Variants in TMEM132C observed in about 807,000 individuals in gnomAD.
TMEM132C encodes the protein transmembrane protein 132C, also known as protein phosphatase 1, regulatory subunit 152.
TMEM132C carries 29 observed loss-of-function variants against 61.4 expected under a neutral mutation model. The ratio of observed to expected loss-of-function variants is 0.47; its 90% CI spans 0.35 to 0.64. The LOEUF (loss-of-function observed/expected upper bound fraction) is 0.64. Among genes scored for constraint, TMEM132C ranks in the 30% least tolerant of loss-of-function variants. The pLI is 0.00. For synonymous variants in TMEM132C, 656 were observed against 633.1 expected (o/e 1.04, Z -0.54); for missense variants, 1,408 against 1,476.9 (o/e 0.95, Z 0.76).
chr12:128,611,321 T>C (rs1345416573), intron 3 of TMEM132C, among the ~76,000 whole-genome samples: 1 of 152,218 alleles, frequency 6.6e-6, no homozygotes, highest in Non-Finnish European at 1.5e-5. Context: ...CTCTCACTTT[T>C]TTCCTTCCTT....
intron 2 of TMEM132C, among the ~76,000 whole-genome samples, chr12:128,462,626 C>T (rs1593062245): frequency 6.6e-6 from 1 of 152,208 alleles, no homozygotes; most frequent in Non-Finnish European, 1.5e-5. Flanking sequence ...AAGCCACACT[C>T]TAACTCTTTG....
intron 8 of TMEM132C, among the ~76,000 whole-genome samples, chr12:128,701,803 T>C (rs902872202): frequency 6.6e-6 from 1 of 152,156 alleles, no homozygotes; most frequent in Non-Finnish European, 1.5e-5. Context: ...GAACCACCCA[T>C]TGAGTCACTG....
Position 128,706,739 on chromosome 12 carries a change from A to C in TMEM132C, c.*444A>C, listed in dbSNP as rs1954843739. 1 of 154,144 alleles carries C rather than the reference A, an allele frequency of 6.5e-6. No homozygotes were observed. The highest frequency in any genetic ancestry group is 2.4e-5 in the African/African-American group (1 of 41,486). The allele number at this position is 154,144 out of a possible 1,614,324, so 9.5% of individuals were successfully genotyped here. On this transcript the variant is annotated 3_prime_UTR_variant, in exon 9 of 9. Coordinates refer to ENST00000435159, the MANE Select transcript of TMEM132C (RefSeq NM_001136103.3). ...CATTTTCCATTCTAATTCACGATTC[A>C]CTTTTCCAAGGACAGCCTTCAACTG...
intron 4 of TMEM132C, among the ~76,000 whole-genome samples, chr12:128,657,862 G>A (rs1408860539): frequency 6.6e-6 from 1 of 152,244 alleles, no homozygotes; most frequent in African/African-American, 2.4e-5. Context: ...GAAGTTGGAT[G>A]GGGTTGGGGT....
At chr12:128,551,507 C>T (rs1365399241) in intron 3 of TMEM132C, among the ~76,000 whole-genome samples, 1 of 152,146 alleles carries the variant, frequency 6.6e-6, no homozygotes, top group African/African-American at 2.4e-5. Flanking sequence ...GCAAAGTCAG[C>T]CAACAATTTA....
At chr12:128,300,817 G>T (rs1047896324) in intron 1 of TMEM132C, among the ~76,000 whole-genome samples, 1 of 152,164 alleles carries the variant, frequency 6.6e-6, no homozygotes, top group African/African-American at 2.4e-5. Flanking sequence ...CGGGAGGATT[G>T]TTTGAGGCTA....
intron 4 of TMEM132C, among the ~76,000 whole-genome samples, chr12:128,652,275 G>A (rs556433537): frequency 9.2e-5 from 14 of 152,098 alleles, no homozygotes; most frequent in Non-Finnish European, 1.5e-4. Flanking sequence ...GGGCGGGGTC[G>A]GTGCCAGGAG....
intron 1 of TMEM132C, among the ~76,000 whole-genome samples, chr12:128,300,500 G>C (rs1005618137): frequency 6.6e-6 from 1 of 152,154 alleles, no homozygotes; most frequent in Non-Finnish European, 1.5e-5. Context: ...CAGCATAGTT[G>C]TGGTGGGCAC....
chr12:128,313,845 A>G (rs1356285586), intron 1 of TMEM132C, among the ~76,000 whole-genome samples: 1 of 152,228 alleles, frequency 6.6e-6, no homozygotes, highest in African/African-American at 2.4e-5. Flanking sequence ...AGTCCGTTAT[A>G]ACTAGGAGGA....
chr12:128,581,969 C>T (rs2135559976), intron 3 of TMEM132C, among the ~76,000 whole-genome samples: 1 of 152,294 alleles, frequency 6.6e-6, no homozygotes, highest in Non-Finnish European at 1.5e-5. Context: ...TACATTTCCT[C>T]AGCAAATGCC....
intron 1 of TMEM132C, among the ~76,000 whole-genome samples, chr12:128,365,099 A>T (rs146337647): frequency 8.4e-4 from 128 of 152,312 alleles, no homozygotes; most frequent in African/African-American, 3.0e-3. Flanking sequence ...AACAAGCTCC[A>T]GGAGGGTTTG....
At chr12:128,441,019 C>T (rs568316369) in intron 2 of TMEM132C, among the ~76,000 whole-genome samples, 5 of 152,078 alleles carry the variant, frequency 3.3e-5, no homozygotes, top group African/African-American at 9.7e-5. Context: ...CCAGCATGGG[C>T]GACAAGAGCG....
intron 4 of TMEM132C, among the ~76,000 whole-genome samples, chr12:128,638,107 G>T (rs528249046): frequency 4.6e-5 from 7 of 152,228 alleles, no homozygotes; most frequent in Non-Finnish European, 1.0e-4. Flanking sequence ...TTGGGGTAAA[G>T]AACTGGACTG....
At chr12:128,473,526 T>G (rs1260461074) in intron 2 of TMEM132C, among the ~76,000 whole-genome samples, 1 of 129,112 alleles carries the variant, frequency 7.7e-6, no homozygotes, top group Non-Finnish European at 1.6e-5. Context: ...TCATCTTCAC[T>G]CCACCATCCA....
intron 5 of TMEM132C, among the ~76,000 whole-genome samples, chr12:128,684,455 G>A (rs771421312): frequency 5.9e-5 from 9 of 152,138 alleles, no homozygotes; most frequent in Non-Finnish European, 1.0e-4. Flanking sequence ...AGTCTGACCC[G>A]CAATCCTGCC....
intron 2 of TMEM132C, among the ~76,000 whole-genome samples, chr12:128,492,693 G>T (rs1252537822): frequency 6.6e-6 from 1 of 152,138 alleles, no homozygotes; most frequent in African/African-American, 2.4e-5. Context: ...CTTTGTGATG[G>T]GGTTGTTTGT....
At chr12:128,529,357 T>G (rs1170262397) in intron 2 of TMEM132C, among the ~76,000 whole-genome samples, 1 of 152,020 alleles carries the variant, frequency 6.6e-6, no homozygotes, top group African/African-American at 2.4e-5. Flanking sequence ...AAGAAAAAAT[T>G]AAATGACAGT....
In TMEM132C at chr12:128,414,998, T is replaced by C; in HGVS notation, c.352T>C (p.Phe118Leu). The change falls in exon 2 of 9, where the codon TTT becomes CTT. Residue 118 changes from phenylalanine (F) to leucine (L), a missense_variant. Phe to Leu is a conservative substitution (Grantham distance 22). Coordinates refer to ENST00000435159, the MANE Select transcript of TMEM132C (RefSeq NM_001136103.3). ...TCTGGACTTGATGTTGACTTCAAAC[T>C]TTTTAGGTCCAACCAATAAGTTTAG... ...VPLDLMLTSN[F>L]LGPTNKFSFD... The C allele has an allele frequency of 6.4e-7, 1 of 1,553,052 alleles. No individual in the cohort carries two copies. The highest frequency in any genetic ancestry group is 8.7e-7 in the Non-Finnish European group (1 of 1,147,676).
At position 128,267,302 on chromosome 12, in the gene TMEM132C, G is replaced by A. The variant is rs981353967; in HGVS notation, c.-101G>A. Reference sequence around the variant, plus strand: ...GAGACGCAGCGGGCCCGGCCGACCGGGCTGCGGGAGTGGCCCCGGGCATGG... The same window carrying A: ...GAGACGCAGCGGGCCCGGCCGACCGAGCTGCGGGAGTGGCCCCGGGCATGG... On this transcript the variant is annotated 5_prime_UTR_variant, in exon 1 of 9. Coordinates refer to ENST00000435159, the MANE Select transcript of TMEM132C (RefSeq NM_001136103.3). 7.3e-5 allele frequency: 55 copies of A among 754,918 alleles called. No individual in the cohort carries two copies. The Admixed American group carries it at 1.2e-3, about 17-fold the overall frequency. 46.8% of individuals were successfully genotyped at this position (754,918 alleles called of 1,614,324 possible). A position where few individuals can be genotyped will look rare whatever the true frequency, so the allele number is the denominator to read the frequency against.
Sources: gnomAD v4.1 joint callset for allele counts (sites outside exome capture counted in the v4.1 genomes callset) on GRCh38, gnomAD v4.1.1 for gene constraint, MANE v1.5 for transcripts, NCBI Gene and HGNC (gene_info 2026-07-23, HGNC 2026-07-21) for gene names.